Variants in AFG2A observed in about 807,000 individuals in gnomAD.
The protein encoded by AFG2A is AAA ATPase AFG2A, also known as ATPase family gene 2 protein homolog A.
At chr4:123,080,285 C>T in the AFG2A span, among the ~76,000 whole-genome samples, 1 of 152,220 alleles carries the variant, frequency 6.6e-6, no homozygotes, top group East Asian at 1.9e-4. Context: ...AGTTTGTGCT[C>T]TCACTCTCTC....
At chr4:123,007,952 T>A in the AFG2A span, among the ~76,000 whole-genome samples, 3 of 152,136 alleles carry the variant, frequency 2.0e-5, no homozygotes, top group East Asian at 5.8e-4. Flanking sequence ...TGAAAGTTGA[T>A]GCTTTATATA....
At chr4:122,947,339 G>C in the AFG2A span, 6 of 1,614,058 alleles carry the variant, frequency 3.7e-6, no homozygotes, top group Non-Finnish European at 4.2e-6. Flanking sequence ...ATTGAGATTG[G>C]AGTTCCCAAT....
At chr4:123,132,740 GGCATCTCTTCC>G in the AFG2A span, among the ~76,000 whole-genome samples, 81 of 151,074 alleles carry the variant, frequency 5.4e-4, 1 homozygote, top group African/African-American at 1.1e-3. Context: ...TGGAAGTGAA[GGCATCTCTTCC>G]GCATCTCTTC....
the AFG2A span, among the ~76,000 whole-genome samples, chr4:123,005,604 C>A: frequency 6.6e-6 from 1 of 152,098 alleles, no homozygotes; most frequent in African/African-American, 2.4e-5. Context: ...GATCTTTCTT[C>A]TTTTCTAATC....
the AFG2A span, among the ~76,000 whole-genome samples, chr4:122,925,600 TCTC>T: frequency 2.0e-5 from 3 of 152,194 alleles, no homozygotes; most frequent in African/African-American, 4.8e-5. Context: ...ATCTTTTTCT[TCTC>T]CTCATTTAGT....
the AFG2A span, among the ~76,000 whole-genome samples, chr4:123,205,520 A>T: frequency 6.6e-6 from 1 of 152,244 alleles, no homozygotes; most frequent in Non-Finnish European, 1.5e-5. Flanking sequence ...ACAATACAGT[A>T]TAGTAACTAT....
At chr4:123,191,220 G>A in the AFG2A span, among the ~76,000 whole-genome samples, 1 of 152,086 alleles carries the variant, frequency 6.6e-6, no homozygotes, top group Non-Finnish European at 1.5e-5. Flanking sequence ...ATATAAATCT[G>A]TGTTTAGATA....
the AFG2A span, among the ~76,000 whole-genome samples, chr4:123,138,328 T>G: frequency 6.6e-6 from 1 of 152,180 alleles, no homozygotes; most frequent in Non-Finnish European, 1.5e-5. Context: ...ACAATGCTAC[T>G]GCCTGTATTT....
the AFG2A span, among the ~76,000 whole-genome samples, chr4:123,178,365 T>C: frequency 1.3e-5 from 2 of 152,228 alleles, no homozygotes; most frequent in East Asian, 3.8e-4. Flanking sequence ...TGTAAATCCA[T>C]AACAGATCCC....
the AFG2A span, among the ~76,000 whole-genome samples, chr4:123,247,808 G>C: frequency 1.3e-5 from 2 of 152,246 alleles, no homozygotes; most frequent in East Asian, 3.9e-4. Flanking sequence ...TATGGGTTAG[G>C]TAAATGTTTC....
At chr4:123,226,777 A>G in the AFG2A span, among the ~76,000 whole-genome samples, 1 of 152,180 alleles carries the variant, frequency 6.6e-6, no homozygotes, top group Non-Finnish European at 1.5e-5. Context: ...ATAGTTTCAG[A>G]AGGAATGGTA....
the AFG2A span, among the ~76,000 whole-genome samples, chr4:122,945,612 C>G: frequency 6.6e-6 from 1 of 152,210 alleles, no homozygotes; most frequent in South Asian, 2.1e-4. Flanking sequence ...GAGGCAATGC[C>G]TCACCCTGCT....
the AFG2A span, among the ~76,000 whole-genome samples, chr4:123,179,851 G>A: frequency 2.6e-5 from 4 of 152,094 alleles, no homozygotes; most frequent in African/African-American, 7.2e-5. Flanking sequence ...CTTTCTAGAG[G>A]AATTTTATCA....
the AFG2A span, among the ~76,000 whole-genome samples, chr4:123,186,365 G>T: frequency 2.0e-5 from 3 of 152,172 alleles, no homozygotes; most frequent in African/African-American, 7.2e-5. Context: ...ATTATTAAGT[G>T]TAAAAGTTTT....
the AFG2A span, among the ~76,000 whole-genome samples, chr4:122,944,293 C>T: frequency 1.3e-5 from 2 of 152,022 alleles, no homozygotes; most frequent in East Asian, 1.9e-4. Flanking sequence ...TAGATTTGGT[C>T]TTTTCACATA....
At chr4:123,224,380 G>A in the AFG2A span, among the ~76,000 whole-genome samples, 3 of 151,632 alleles carry the variant, frequency 2.0e-5, no homozygotes, top group Admixed American at 6.6e-5. Context: ...CCCACAACAG[G>A]CCCCGGTGTG....
chr4:123,293,089 C>T, the AFG2A span, among the ~76,000 whole-genome samples: 45 of 152,192 alleles, frequency 3.0e-4, no homozygotes, highest in Non-Finnish European at 5.1e-4. Flanking sequence ...AGACGAGGCA[C>T]TTCTGTGGAT....
the AFG2A span, chr4:123,057,184 G>A: frequency 1.9e-6 from 3 of 1,612,640 alleles, no homozygotes; most frequent in Non-Finnish European, 1.7e-6. Flanking sequence ...CTCATCTTTA[G>A]CTAATGTGGC....
At chr4:123,182,820 T>TAAAAA in the AFG2A span, among the ~76,000 whole-genome samples, 2 of 152,210 alleles carry the variant, frequency 1.3e-5, no homozygotes, top group Non-Finnish European at 2.9e-5. Context: ...TTTCATATAA[T>TAAAAA]AAAAGCTGTG....
Sources: allele counts gnomAD v4.1 joint callset (sites outside exome capture counted in the v4.1 genomes callset), GRCh38; gene constraint gnomAD v4.1.1; transcripts MANE v1.5; gene names NCBI Gene and HGNC (gene_info 2026-07-23, HGNC 2026-07-21).